Variants in PPP3CA observed in about 807,000 individuals in gnomAD.
PPP3CA encodes CAM-PRP catalytic subunit.
In PPP3CA, 14 loss-of-function variants were observed where a neutral mutation model predicts 66.5. That is an observed-to-expected ratio of 0.21 (90% confidence interval 0.14 to 0.33). PPP3CA has a LOEUF of 0.33. Ranked by LOEUF, PPP3CA falls within the 10% of genes least tolerant of loss-of-function variation. The probability of loss-of-function intolerance (pLI) is 1.00; values close to 1 mark genes in which losing one functional copy is unlikely to be tolerated. For missense variants in PPP3CA, 317 were observed against 639.5 expected, an observed-to-expected ratio of 0.50 and a Z score of 5.44; for synonymous variants, 232 against 226.2, an observed-to-expected ratio of 1.03 and a Z score of -0.23.
intron 10 of PPP3CA, among the ~76,000 whole-genome samples, chr4:101,048,966 T>C (rs1033787956): frequency 6.6e-6 from 1 of 152,096 alleles, no homozygotes; most frequent in African/African-American, 2.4e-5. Flanking sequence ...ATTTTAAGTG[T>C]TCAATGGATT....
intron 10 of PPP3CA, among the ~76,000 whole-genome samples, chr4:101,053,417 C>T (rs1728093894): frequency 6.6e-6 from 1 of 152,114 alleles, no homozygotes; most frequent in Non-Finnish European, 1.5e-5. Context: ...TCTGTCATCA[C>T]TCCTATTTTC....
intron 2 of PPP3CA, among the ~76,000 whole-genome samples, chr4:101,139,771 C>G (rs1271981095): frequency 7.2e-6 from 1 of 137,962 alleles, no homozygotes; most frequent in Non-Finnish European, 1.5e-5. Flanking sequence ...TGTAACTACT[C>G]AATAAATAAC....
intron 2 of PPP3CA, among the ~76,000 whole-genome samples, chr4:101,157,904 T>G (rs926905067): frequency 3.4e-5 from 5 of 148,358 alleles, no homozygotes; most frequent in Admixed American, 6.7e-5. Context: ...TCAGTCTTCA[T>G]GACCAGTTTC....
At chr4:101,171,030 A>G (rs1437654282) in intron 2 of PPP3CA, 1 of 318,400 alleles carries the variant, frequency 3.1e-6, no homozygotes, top group East Asian at 8.1e-5. Flanking sequence ...GAATACTTAA[A>G]TATTTACTGT....
Position 101,091,147 on chromosome 4 carries a change from A to C in PPP3CA, c.782+2629T>G, listed in dbSNP as rs116702060. 9.4e-3 allele frequency among the ~76,000 whole-genome samples: 1,430 copies of C among 152,196 alleles called. 19 individuals carry two copies. The highest frequency in any genetic ancestry group is 0.032 in the African/African-American group (1,326 of 41,512). On this transcript the variant is annotated intron_variant, in intron 6 of 13. Transcript: ENST00000394854. ...TGCAACAGGACTCAATATCAAAATCAAGAGTTTGAATTTTGTTTGATATTA... is the reference window on the plus strand; with the variant it reads ...TGCAACAGGACTCAATATCAAAATCCAGAGTTTGAATTTTGTTTGATATTA...
intron 6 of PPP3CA, among the ~76,000 whole-genome samples, chr4:101,087,807 A>G (rs1428702429): frequency 6.6e-6 from 1 of 152,158 alleles, no homozygotes; most frequent in African/African-American, 2.4e-5. Context: ...AAGGATATAA[A>G]ATAGGGGCTG....
chr4:101,192,799 T>C (rs1306935742), intron 2 of PPP3CA, among the ~76,000 whole-genome samples: 20 of 152,360 alleles, frequency 1.3e-4, no homozygotes, highest in South Asian at 2.1e-4. Context: ...AAAAAACTTA[T>C]AGTAATTATC....
chr4:101,045,965 A>G (rs1187288428), intron 10 of PPP3CA, among the ~76,000 whole-genome samples: 3 of 152,254 alleles, frequency 2.0e-5, no homozygotes, highest in Admixed American at 2.0e-4. Flanking sequence ...TAAAATGTCA[A>G]AAAATGAAAC....
chr4:101,196,525 G>C (rs1338654626), intron 1 of PPP3CA, among the ~76,000 whole-genome samples: 1 of 152,186 alleles, frequency 6.6e-6, no homozygotes, highest in Non-Finnish European at 1.5e-5. Context: ...ACTGGGATTA[G>C]AGGAGTGGGA....
At chr4:101,325,878 G>A (rs992624903) in intron 1 of PPP3CA, among the ~76,000 whole-genome samples, 1 of 152,122 alleles carries the variant, frequency 6.6e-6, no homozygotes, top group African/African-American at 2.4e-5. Context: ...GAAAAAAGAA[G>A]AGTAATCCTA....
At chr4:101,309,568 A>C (rs992805985) in intron 1 of PPP3CA, among the ~76,000 whole-genome samples, 5 of 152,204 alleles carry the variant, frequency 3.3e-5, no homozygotes, top group Non-Finnish European at 7.3e-5. Flanking sequence ...ATTCTTAAAC[A>C]TGGACAATTG....
intron 10 of PPP3CA, among the ~76,000 whole-genome samples, chr4:101,047,249 TA>T (rs1030683335): frequency 6.6e-6 from 1 of 152,214 alleles, no homozygotes; most frequent in South Asian, 2.1e-4. Context: ...GTCCTAGATT[TA>T]AAAAAAGCAC....
intron 2 of PPP3CA, among the ~76,000 whole-genome samples, chr4:101,179,550 C>T (rs1183426926): frequency 1.3e-5 from 2 of 152,076 alleles, no homozygotes; most frequent in South Asian, 2.1e-4. Flanking sequence ...GGAAGCCATG[C>T]TGTCTCTTTG....
chr4:101,197,050 T>C (rs1021495580), intron 1 of PPP3CA, among the ~76,000 whole-genome samples: 4 of 152,266 alleles, frequency 2.6e-5, no homozygotes, highest in African/African-American at 9.6e-5. Context: ...TTTCACATGA[T>C]GGTTCATTCA....
chr4:101,179,156 C>T (rs1724157254), intron 2 of PPP3CA, among the ~76,000 whole-genome samples: 1 of 152,042 alleles, frequency 6.6e-6, no homozygotes, highest in South Asian at 2.1e-4. Context: ...ATCTCACTCT[C>T]ATCGTAGAAA....
At chr4:101,231,199 A>G (rs1189166378) in intron 1 of PPP3CA, among the ~76,000 whole-genome samples, 1 of 151,650 alleles carries the variant, frequency 6.6e-6, no homozygotes, top group African/African-American at 2.4e-5. Context: ...CAGGGCTTAA[A>G]AACTCCTGAG....
In PPP3CA at chr4:101,322,513, C is replaced by T. The variant is rs181956012; in HGVS notation, c.58+24226G>A. Among the ~76,000 whole-genome samples the T allele has an allele frequency of 1.6e-3, 233 of 149,078 alleles. 1 individual carries two copies. The highest frequency in any genetic ancestry group is 5.6e-3 in the African/African-American group (219 of 39,026). ...ACAACCTCTGCCTCCCGGGTTCAAG[C>T]GATTCTCGTGCCTCAGCCTCCCAAG... On this transcript the variant is annotated intron_variant, in intron 1 of 13. Transcript: ENST00000394854.
intron 1 of PPP3CA, among the ~76,000 whole-genome samples, chr4:101,272,340 T>C (rs1331415176): frequency 6.6e-6 from 1 of 152,190 alleles, no homozygotes. Context: ...ATAAGAATTA[T>C]AAGTACGTGG....
chr4:101,332,204 G>T (rs985540452), intron 1 of PPP3CA, among the ~76,000 whole-genome samples: 2 of 152,152 alleles, frequency 1.3e-5, no homozygotes, highest in Non-Finnish European at 2.9e-5. Context: ...TGTATATAGG[G>T]TTTGAGAGAC....
Sources: gnomAD v4.1 joint callset for allele counts (sites outside exome capture counted in the v4.1 genomes callset) on GRCh38, gnomAD v4.1.1 for gene constraint, MANE v1.5 for transcripts, NCBI Gene and HGNC (gene_info 2026-07-23, HGNC 2026-07-21) for gene names.